MAP3K15: variants seen among roughly 807,000 people sequenced by gnomAD.
The protein encoded by MAP3K15 is MAPK/ERK kinase kinase 15.
MAP3K15 carries 124 observed loss-of-function variants against 99.5 expected under a neutral mutation model. The observed-to-expected ratio is 1.25, with a 90% CI of 1.08 to 1.45. The LOEUF (loss-of-function observed/expected upper bound fraction) is 1.45. MAP3K15 is among the 40% of genes most tolerant of loss of function. The pLI is 0.00. For synonymous variants in MAP3K15, 494 were observed against 439.6 expected, an observed-to-expected ratio of 1.12 and a Z score of -1.55; for missense variants, 1,242 against 1,079.7, an observed-to-expected ratio of 1.15 and a Z score of -2.11.
At chrX:19,492,064 A>G (rs1219230484) in intron 1 of MAP3K15, among the ~76,000 whole-genome samples, 3 of 107,841 alleles carry the variant, frequency 2.8e-5, no homozygotes. Context: ...GGCTCAGGCA[A>G]TCCTCCCACC....
In MAP3K15 at chrX:19,385,351, A is replaced by G. The variant is rs1007412517; in HGVS notation, c.2432-5074T>C. Among the ~76,000 whole-genome samples the G allele has an allele frequency of 3.6e-5, 4 of 111,593 alleles. No homozygotes were observed. The Admixed American group carries it at 3.8e-4, about 11-fold the overall frequency. The stretch of plus-strand genomic sequence containing the variant: ...TGGTTTGAGACATGGCTTCCCTCAG[A>G]GAGACTGATCCGAGAGAAAGAGGAA... On this transcript the variant is annotated intron_variant, in intron 18 of 28. Transcript: ENST00000338883.
At position 19,464,381 on chromosome X, in the gene MAP3K15, A is replaced by G; in HGVS notation, c.551T>C (p.Ile184Thr). 1 of 1,188,025 alleles carries G rather than the reference A, an allele frequency of 8.4e-7. No homozygotes were observed. Among genetic ancestry groups the G allele is most frequent in the Non-Finnish European group, 1.1e-6 (1 of 887,434 alleles). The change falls in exon 4 of 29, where the codon ATC (isoleucine) becomes ACC (threonine). Residue 184 changes from isoleucine to threonine, a missense_variant. Physicochemically the swap from Ile to Thr is moderately conservative, Grantham distance 89. Coordinates refer to ENST00000338883, the MANE Select transcript of MAP3K15 (RefSeq NM_001001671.4). The part of the protein sequence containing the change: ...NTASSGNYYF[I>T]PYIVTPCADY... ...AGCGCACGGTGTCACGATGTATGGG[A>G]TGAAATAATAATTTCCACTGGATGC...
rs1037969270 is a variant in MAP3K15, at chrX:19,447,801, G to A, written c.995+9112C>T. Among the ~76,000 whole-genome samples, 492 of 89,901 alleles carry A rather than the reference G, an allele frequency of 5.5e-3. 3 individuals are homozygous for A. Among genetic ancestry groups the A allele is most frequent in the African/African-American group, 0.017 (436 of 25,958 alleles). 78.1% of individuals were successfully genotyped at this position (89,901 alleles called of 115,157 possible). ...TGGGAGGCTGAGGCAGGAGAATGGC[G>A]TGAACCCGGGAGGCGGAGCTTGCAG... is the stretch of plus-strand genomic sequence containing the variant. On this transcript the variant is annotated intron_variant, in intron 6 of 28. Transcript: ENST00000338883.
At chrX:19,456,673 C>A (rs973648675) in intron 6 of MAP3K15, among the ~76,000 whole-genome samples, 2 of 111,798 alleles carry the variant, frequency 1.8e-5, no homozygotes, top group Non-Finnish European at 3.8e-5. Flanking sequence ...ATATGTGAAG[C>A]CGGGGGTGCC....
chrX:19,371,382 C>T lies in MAP3K15; in HGVS notation c.3257G>A (p.Ser1086Asn). The T allele has an allele frequency of 4.1e-6, 5 of 1,210,916 alleles. No individual in the cohort carries two copies. In the South Asian group the frequency reaches 7.0e-5, roughly 17 times the overall value. Residue 1086 changes from serine to asparagine, a missense_variant, in exon 23 of 29, where the codon AGT becomes AAT. Coordinates refer to ENST00000338883, the MANE Select transcript of MAP3K15 (RefSeq NM_001001671.4). ...VDLDFDSSSI[S>N]QIHLVLFGFQ... ...TCCGAACAGCACCAGGTGAATCTGA[C>T]TGATGGACGAGCTGTCAAAGTCCAG...
intron 10 of MAP3K15, chrX:19,414,471 C>A: frequency 7.2e-6 from 1 of 139,012 alleles, no homozygotes; most frequent in Non-Finnish European, 1.3e-5. Context: ...AAATATGGAA[C>A]ACAATTATCT....
rs991741708 is a variant in MAP3K15 at position 19,486,591 on chromosome X, G to A, written c.502-86C>T. 4 of 390,667 alleles carry A rather than the reference G, an allele frequency of 1.0e-5. No homozygotes were observed. The African/African-American group carries it at 1.0e-4, about 10-fold the overall frequency. 32.2% of individuals were successfully genotyped at this position (390,667 alleles called of 1,213,427 possible). ...TTAGCCAGCACTCCCCTCTATAAAA[G>A]AAATTAATCATGTAAGAATTAATCA... On this transcript the variant is annotated intron_variant, in intron 2 of 28. Coordinates refer to ENST00000338883, the MANE Select transcript of MAP3K15 (RefSeq NM_001001671.4).
At chrX:19,460,213 G>A in intron 4 of MAP3K15, 60 bp from the exon 5 acceptor site, 1 of 870,883 alleles carries the variant, frequency 1.1e-6, no homozygotes, top group Non-Finnish European at 1.5e-6. Flanking sequence ...GGACTGTCTT[G>A]CGCCCAAAAT....
At chrX:19,360,922 A>C in intron 28 of MAP3K15, 89 bp from the exon 29 acceptor site, 1 of 682,709 alleles carries the variant, frequency 1.5e-6, no homozygotes, top group Non-Finnish European at 2.2e-6. Flanking sequence ...ACCTAATGAA[A>C]ATAAAAACAT....
chrX:19,425,835 T>G, intron 8 of MAP3K15, 145 bp from the exon 9 acceptor site: 1 of 600,498 alleles, frequency 1.7e-6, no homozygotes, highest in Non-Finnish European at 2.5e-6. Context: ...ATAATTCTAG[T>G]AGTACGGGCA....
chrX:19,443,983 G>A lies in MAP3K15; in HGVS notation c.996-12375C>T, dbSNP rs757553452. On this transcript the variant is annotated intron_variant, in intron 6 of 28. Transcript: ENST00000338883. ...TTTCCATAAATGTGCTCCACTTACC[G>A]GGCCATCCTCACACCCCCAGCTGCA... Among the ~76,000 whole-genome samples the A allele has an allele frequency of 2.4e-4, 27 of 110,760 alleles. No homozygotes were observed. In the South Asian group the frequency reaches 4.6e-3, roughly 19 times the overall value.
intron 13 of MAP3K15, among the ~76,000 whole-genome samples, chrX:19,406,032 G>A (rs1044523530): frequency 5.4e-5 from 6 of 111,799 alleles, no homozygotes; most frequent in African/African-American, 1.6e-4. Flanking sequence ...AGGAAAATGC[G>A]AATCAAAACC....
chrX:19,374,733 A>ACC, intron 19 of MAP3K15, 73 bp from the exon 20 acceptor site: 4 of 979,276 alleles, frequency 4.1e-6, no homozygotes, highest in Admixed American at 4.8e-5. Flanking sequence ...GTCTCAGTCC[A>ACC]AAGCTCCTGT....
At chrX:19,482,988 T>C (rs6418729) in intron 3 of MAP3K15, among the ~76,000 whole-genome samples, 32,010 of 109,540 alleles carry the variant, frequency 0.29, 7,772 homozygotes, top group African/African-American at 0.81. Flanking sequence ...GGCAACGTGA[T>C]CTGTAATCCC....
chrX:19,378,200 G>T (rs2063433994), intron 19 of MAP3K15, among the ~76,000 whole-genome samples: 2 of 112,463 alleles, frequency 1.8e-5, no homozygotes, highest in African/African-American at 3.2e-5. Flanking sequence ...TTCTATCAGG[G>T]CCGTGTCCAC....
In MAP3K15 at chrX:19,371,054, A is replaced by T. The variant is rs761211361; in HGVS notation, c.3305T>A (p.Ile1102Asn). Residue 1102 changes from isoleucine to asparagine, a missense_variant, in exon 24 of 29, where the codon ATT (isoleucine) becomes AAT (asparagine). By Grantham distance (149) the Ile-to-Asn change is moderately radical (BLOSUM62 -3). Coordinates refer to ENST00000338883, the MANE Select transcript of MAP3K15 (RefSeq NM_001001671.4). The stretch of plus-strand genomic sequence containing the variant: ...GGGCCTAATTAAGTGGTTCCTCAAA[A>T]TTTTATTTACCTAAAAAAAAAAAAA... The part of the protein sequence containing the change: ...LFGFQDAVNK[I>N]LRNHLIRPHW... The T allele has an allele frequency of 4.4e-6, 5 of 1,131,018 alleles. No individual in the cohort carries two copies. In the Admixed American group the frequency reaches 1.3e-4, roughly 29 times the overall value. 93.2% of individuals were successfully genotyped at this position (1,131,018 alleles called of 1,213,427 possible).
At chrX:19,362,942 A>G (rs2063304168) in intron 25 of MAP3K15, 92 bp from the exon 26 acceptor site, 1 of 502,099 alleles carries the variant, frequency 2.0e-6, no homozygotes, top group African/African-American at 2.4e-5. Context: ...TACATTAGAG[A>G]TGGAAAAAAA....
intron 10 of MAP3K15, among the ~76,000 whole-genome samples, chrX:19,413,801 AGTGGGGAGAGAAAAG>A (rs1317063884): frequency 1.0e-5 from 1 of 99,646 alleles, no homozygotes; most frequent in Non-Finnish European, 2.0e-5. Context: ...GGAGGAGGAG[AGTGGGGAGAGAAAAG>A]GTGGGGAGAA....
In MAP3K15 at chrX:19,370,998, G is replaced by T; in HGVS notation, c.3361C>A (p.Arg1121Ser). Residue 1121 changes from arginine (R) to serine (S), a missense_variant, in exon 24 of 29, where the codon CGC becomes AGC. By Grantham distance (110) the Arg-to-Ser change is moderately radical (BLOSUM62 -1). Transcript: ENST00000338883. ...HWMFAMDNII[R>S]RAVQAAVTIL... The stretch of plus-strand genomic sequence containing the variant: ...GTGACCGCGGCCTGCACCGCTCGGC[G>T]GATGATGTTGTCCATCGCGAACATC... The T allele has an allele frequency of 8.5e-7, 1 of 1,172,246 alleles. No individual in the cohort carries two copies.
Sources: gnomAD v4.1 joint callset for allele counts (sites outside exome capture counted in the v4.1 genomes callset) on GRCh38, gnomAD v4.1.1 for gene constraint, MANE v1.5 for transcripts, NCBI Gene and HGNC (gene_info 2026-07-23, HGNC 2026-07-21) for gene names.